The following SLC25A13 variants were observed in gnomAD, a reference collection of about 807,000 sequenced individuals.
SLC25A13 encodes solute carrier family 25 member 13, also known as electrogenic aspartate/glutamate antiporter SLC25A13, mitochondrial.
In SLC25A13, 70 loss-of-function variants were observed where a neutral mutation model predicts 85.5. That is an observed-to-expected ratio of 0.82 (90% CI 0.68 to 1.00). The LOEUF is 1.00. SLC25A13 is among the 50% of genes least tolerant of loss of function. The probability of loss-of-function intolerance (pLI) is 0.00; values close to 1 mark genes in which losing one functional copy is unlikely to be tolerated. For synonymous variants in SLC25A13, 259 were observed against 288.7 expected (o/e 0.90, Z 1.04); for missense variants, 765 against 819.8 (o/e 0.93, Z 0.82).
Position 96,244,340 on chromosome 7 carries a change from T to C in SLC25A13, c.213-9423A>G, listed in dbSNP as rs147739401. ...CTCCTAAGTAAAGATTTTTATTTAA[T>C]ATGTTAGTTGATGGTCAGCAAGCAC... On this transcript the variant is annotated intron_variant, in intron 3 of 17. Coordinates refer to ENST00000265631, the MANE Select transcript of SLC25A13 (RefSeq NM_014251.3). 3.9e-5 allele frequency among the ~76,000 whole-genome samples: 6 copies of C among 152,320 alleles called. No homozygotes were observed. The East Asian group carries it at 1.2e-3, about 29-fold the overall frequency.
chr7:96,296,982 T>C, intron 1 of SLC25A13, 31 bp from the exon 2 acceptor site: 2 of 1,573,224 alleles, frequency 1.3e-6, no homozygotes, highest in Non-Finnish European at 1.7e-6. Context: ...GTTTATGTTA[T>C]TACAACAAAG....
rs547428371 is a variant in SLC25A13 at position 96,185,565 on chromosome 7, C to T, written c.934-554G>A. On this transcript the variant is annotated intron_variant, in intron 9 of 17. Transcript: ENST00000265631. ...GAGCTGAGATCACGCCACTGCACTT[C>T]AGCCTCGGCAACAGAGCAAGACTCT... is the stretch of plus-strand genomic sequence containing the variant. 2.8e-3 allele frequency among the ~76,000 whole-genome samples: 426 copies of T among 151,880 alleles called. 3 individuals are homozygous for T. The highest frequency in any genetic ancestry group is 9.7e-3 in the African/African-American group (400 of 41,354).
At chr7:96,212,448 A>G (rs1217767710) in intron 4 of SLC25A13, among the ~76,000 whole-genome samples, 1 of 152,166 alleles carries the variant, frequency 6.6e-6, no homozygotes, top group Non-Finnish European at 1.5e-5. Flanking sequence ...GCACTAAACC[A>G]CAGGGTGGCC....
At chr7:96,135,491 T>A (rs1283086450) in intron 14 of SLC25A13, among the ~76,000 whole-genome samples, 1 of 152,200 alleles carries the variant, frequency 6.6e-6, no homozygotes, top group Non-Finnish European at 1.5e-5. Flanking sequence ...TCTTGCACAA[T>A]GAAAAGGGAA....
At chr7:96,122,584 G>A (rs760847492) in intron 15 of SLC25A13, among the ~76,000 whole-genome samples, 9 of 152,122 alleles carry the variant, frequency 5.9e-5, no homozygotes, top group Non-Finnish European at 1.3e-4. Context: ...TGGAGGTTTC[G>A]GGGAGGGGGT....
chr7:96,191,686 G>T (rs970782655), intron 6 of SLC25A13, among the ~76,000 whole-genome samples: 1 of 152,126 alleles, frequency 6.6e-6, no homozygotes, highest in African/African-American at 2.4e-5. Flanking sequence ...ACTATGAAAA[G>T]TAGTCAATGT....
intron 3 of SLC25A13, among the ~76,000 whole-genome samples, chr7:96,247,073 T>A (rs1797218821): frequency 6.6e-6 from 1 of 152,236 alleles, no homozygotes. Context: ...CACAGTCAAT[T>A]ACATGTGTGG....
chr7:96,279,865 A>G (rs1798606342), intron 2 of SLC25A13, among the ~76,000 whole-genome samples: 1 of 152,190 alleles, frequency 6.6e-6, no homozygotes, highest in South Asian at 2.1e-4. Context: ...TGTCCCACGA[A>G]CACAAAGCAA....
rs1002927380 is a variant in SLC25A13 at position 96,238,300 on chromosome 7, G to A, written c.213-3383C>T. On this transcript the variant is annotated intron_variant, in intron 3 of 17. Coordinates refer to ENST00000265631, the MANE Select transcript of SLC25A13 (RefSeq NM_014251.3). ...CCACCAGAAGACAGGAAAGAAGCAC[G>A]GAACAGATTCTCCCTTACAGCCCTC... is the stretch of plus-strand genomic sequence containing the variant. Among the ~76,000 whole-genome samples, 25 of 152,150 alleles carry A rather than the reference G, an allele frequency of 1.6e-4. 1 individual carries two copies. In the East Asian group the frequency reaches 3.7e-3, roughly 22 times the overall value.
In SLC25A13 at chr7:96,189,657, C is replaced by G. The variant is rs1283437896; in HGVS notation, c.772G>C (p.Ala258Pro). 6.2e-7 allele frequency: 1 copy of G among 1,613,496 alleles called. No individual in the cohort carries two copies. The highest frequency in any genetic ancestry group is 1.1e-5 in the South Asian group (1 of 91,044). Reference protein sequence around the residue: ...EVTKEEFVLAAQKFGQVTPME... With the variant: ...EVTKEEFVLAPQKFGQVTPME... ...GGTGTAACCTGACCAAATTTCTGAG[C>G]TGCCAGAACAAACTCCTCTGTATGG... The change falls in exon 8 of 18, where the codon GCT becomes CCT. Residue 258 changes from alanine (A) to proline (P), a missense_variant. By Grantham distance (27) the Ala-to-Pro change is conservative. Coordinates refer to ENST00000265631, the MANE Select transcript of SLC25A13 (RefSeq NM_014251.3).
At chr7:96,177,311 G>C (rs555256743) in intron 11 of SLC25A13, among the ~76,000 whole-genome samples, 1 of 152,242 alleles carries the variant, frequency 6.6e-6, no homozygotes, top group South Asian at 2.1e-4. Context: ...TAAAGTAGTG[G>C]CACAGACAAA....
chr7:96,181,452 C>G (rs1794418132), intron 11 of SLC25A13, among the ~76,000 whole-genome samples: 1 of 152,228 alleles, frequency 6.6e-6, no homozygotes, highest in South Asian at 2.1e-4. Flanking sequence ...AAATAACCTT[C>G]ATTCTAATGC....
chr7:96,321,909 G>A lies in SLC25A13; in HGVS notation c.15+33C>T. The A allele has an allele frequency of 3.3e-6, 5 of 1,525,976 alleles. No homozygotes were observed. In the East Asian group the frequency reaches 1.3e-4, roughly 40 times the overall value. 94.5% of individuals were successfully genotyped at this position (1,525,976 alleles called of 1,614,324 possible). On this transcript the variant is annotated intron_variant, in intron 1 of 17. Transcript: ENST00000265631. ...TCGCACCCCCAGGCTGATCCGGCAG[G>A]CGCGCTCCCCCCGGCCTCGGGCCCG... is the stretch of plus-strand genomic sequence containing the variant.
At chr7:96,304,616 T>C (rs1799671578) in intron 1 of SLC25A13, among the ~76,000 whole-genome samples, 1 of 152,072 alleles carries the variant, frequency 6.6e-6, no homozygotes. Context: ...AGCAACCCCT[T>C]CCCCAACAAG....
intron 1 of SLC25A13, among the ~76,000 whole-genome samples, chr7:96,310,458 G>A (rs905672466): frequency 2.0e-5 from 3 of 152,124 alleles, no homozygotes; most frequent in South Asian, 2.1e-4. Flanking sequence ...AATATCAGTC[G>A]GTAACATAAT....
At chr7:96,189,742 A>G in intron 7 of SLC25A13, 68 bp from the exon 8 acceptor site, 1 of 1,250,286 alleles carries the variant, frequency 8.0e-7, no homozygotes, top group East Asian at 2.3e-5. Flanking sequence ...GCATTAACTC[A>G]AGGCACTGGA....
chr7:96,182,314 A>G (rs1315009296), intron 11 of SLC25A13, among the ~76,000 whole-genome samples: 1 of 152,220 alleles, frequency 6.6e-6, no homozygotes, highest in Non-Finnish European at 1.5e-5. Flanking sequence ...TTGTTTTAAA[A>G]TGGTTTACCA....
At chr7:96,204,504 A>C (rs1049168694) in intron 5 of SLC25A13, among the ~76,000 whole-genome samples, 5 of 151,784 alleles carry the variant, frequency 3.3e-5, no homozygotes, top group Non-Finnish European at 5.9e-5. Flanking sequence ...GCACCACTGC[A>C]CTCTAGCCTG....
intron 4 of SLC25A13, among the ~76,000 whole-genome samples, chr7:96,223,790 A>AAG (rs1562856463): frequency 5.6e-4 from 1 of 1,780 alleles, no homozygotes; most frequent in Non-Finnish European, 6.9e-3. Context: ...TCCATCTCTG[A>AAG]AAAAAAAAAA....
Sources: gnomAD v4.1 joint callset for allele counts (sites outside exome capture counted in the v4.1 genomes callset) on GRCh38, gnomAD v4.1.1 for gene constraint, MANE v1.5 for transcripts, NCBI Gene and HGNC (gene_info 2026-07-23, HGNC 2026-07-21) for gene names.